SIRT1: variants seen among roughly 807,000 people sequenced by gnomAD.
The protein encoded by SIRT1 is sirtuin 1, also known as NAD-dependent protein deacetylase sirtuin-1.
In SIRT1, 24 loss-of-function variants were observed where a neutral mutation model predicts 67.9. The observed-to-expected ratio is 0.35, with a 90% CI of 0.26 to 0.50. SIRT1 has a LOEUF of 0.50. Ranked by LOEUF, SIRT1 falls within the 20% of genes least tolerant of loss-of-function variation. SIRT1 has a pLI of 0.98. For missense variants in SIRT1, 873 were observed against 937.2 expected, an observed-to-expected ratio of 0.93 and a Z score of 0.89; for synonymous variants, 378 against 350.7, an observed-to-expected ratio of 1.08 and a Z score of -0.87.
intron 6 of SIRT1, 109 bp from the exon 7 acceptor site, chr10:67,909,147 T>G (rs945682430): frequency 7.4e-5 from 54 of 731,090 alleles, no homozygotes; most frequent in African/African-American, 1.3e-4. Context: ...GTTTTGTTTT[T>G]TTTTTAATAA....
rs1279371482 is a variant in SIRT1 at position 67,916,427 on chromosome 10, G to A, written c.2078G>A (p.Ser693Asn). ...TTAGAAGAACCCATGGAGGATGAAA[G>A]TGAAATTGAAGAATTCTACAATGGC... ...PSLEEPMEDE[S>N]EIEEFYNGLE... The change falls in exon 9 of 9, where the codon AGT becomes AAT. Residue 693 changes from serine (S) to asparagine (N), a missense_variant. Physicochemically the swap from Ser to Asn is conservative, Grantham distance 46 (BLOSUM62 1). Transcript: ENST00000212015. 3 of 1,614,168 alleles carry A rather than the reference G, an allele frequency of 1.9e-6. No individual in the cohort carries two copies. The East Asian group carries it at 6.7e-5, about 36-fold the overall frequency.
At chr10:67,915,922 C>T (rs569106581) in intron 8 of SIRT1, among the ~76,000 whole-genome samples, 101 of 152,286 alleles carry the variant, frequency 6.6e-4, no homozygotes, top group African/African-American at 2.4e-3. Context: ...CACAGAGGTA[C>T]ACTTACAAAG....
intron 2 of SIRT1, among the ~76,000 whole-genome samples, chr10:67,888,057 T>G (rs1046742718): frequency 2.0e-5 from 3 of 152,382 alleles, no homozygotes; most frequent in South Asian, 2.1e-4. Flanking sequence ...GCAGGAATTT[T>G]TGACTGACTT....
chr10:67,904,550 T>C (rs1842792512), intron 4 of SIRT1, among the ~76,000 whole-genome samples: 1 of 152,100 alleles, frequency 6.6e-6, no homozygotes, highest in Admixed American at 6.5e-5. Context: ...CTCACATATG[T>C]AAAACGTACG....
At chr10:67,912,346 T>C (rs1045910183) in intron 7 of SIRT1, 128 bp from the exon 8 acceptor site, 2 of 745,254 alleles carry the variant, frequency 2.7e-6, no homozygotes, top group Non-Finnish European at 4.3e-6. Context: ...AAGTATTTAG[T>C]GCATGGGTCT....
intron 4 of SIRT1, among the ~76,000 whole-genome samples, chr10:67,894,373 G>C (rs1240164843): frequency 6.6e-6 from 1 of 152,016 alleles, no homozygotes; most frequent in Non-Finnish European, 1.5e-5. Context: ...AATAAATAAT[G>C]TAAAGTTATT....
chr10:67,891,674 C>A, intron 4 of SIRT1, 120 bp downstream of exon 4: 2 of 967,550 alleles, frequency 2.1e-6, no homozygotes, highest in Non-Finnish European at 3.1e-6. Context: ...GCTACTGTGG[C>A]GGAGTAAGAT....
At chr10:67,906,164 A>G in intron 4 of SIRT1, 1 of 1,361,924 alleles carries the variant, frequency 7.3e-7, no homozygotes, top group Non-Finnish European at 9.5e-7. Context: ...TTTTTAAAGA[A>G]GAAACAGCAT....
rs1243937141 is a variant in SIRT1 at position 67,916,445 on chromosome 10, A to G, written c.2096A>G (p.Tyr699Cys). The change falls in exon 9 of 9, where the codon TAC becomes TGC. Residue 699 changes from tyrosine to cysteine, a missense_variant. This residue lies in a region of SIRT1 where 295 missense variants were observed against 294.5 expected (regional missense o/e 1.00). Coordinates refer to ENST00000212015, the MANE Select transcript of SIRT1 (RefSeq NM_012238.5). The part of the protein sequence containing the change: ...MEDESEIEEF[Y>C]NGLEDEPDVP... ...GATGAAAGTGAAATTGAAGAATTCT[A>G]CAATGGCTTAGAAGATGAGCCTGAT... 5 of 1,614,208 alleles carry G rather than the reference A, an allele frequency of 3.1e-6. No individual in the cohort carries two copies. The highest frequency in any genetic ancestry group is 3.4e-6 in the Non-Finnish European group (4 of 1,180,026).
intron 2 of SIRT1, 100 bp from the exon 3 acceptor site, chr10:67,888,782 C>T: frequency 2.9e-6 from 4 of 1,373,392 alleles, no homozygotes; most frequent in South Asian, 3.1e-5. Context: ...TCTTACTTTG[C>T]AAAAAACCCT....
intron 5 of SIRT1, 130 bp downstream of exon 5, chr10:67,907,067 A>C: frequency 1.2e-6 from 1 of 822,928 alleles, no homozygotes; most frequent in Non-Finnish European, 1.7e-6. Flanking sequence ...TTTATCGATA[A>C]CCTCAGAAAA....
intron 4 of SIRT1, among the ~76,000 whole-genome samples, chr10:67,904,123 GTTTGTTT>G (rs1842784814): frequency 2.6e-5 from 3 of 115,432 alleles, no homozygotes; most frequent in African/African-American, 1.1e-4. Flanking sequence ...AGTTTTTTTT[GTTTGTTT>G]TTTTTTTTTT....
intron 1 of SIRT1, among the ~76,000 whole-genome samples, chr10:67,886,038 C>G (rs1043572725): frequency 4.6e-5 from 7 of 150,710 alleles, no homozygotes; most frequent in Non-Finnish European, 1.5e-5. Flanking sequence ...CTCCGCCTCC[C>G]GCGTTCAACC....
chr10:67,912,923 G>C lies in SIRT1; in HGVS notation c.1807G>C (p.Val603Leu), dbSNP rs750092788. Residue 603 changes from valine to leucine, a missense_variant, in exon 8 of 9, where the codon GTT (valine) becomes CTT (leucine). Val to Leu is a conservative substitution (Grantham distance 32). Around this residue, in one of 3 missense-constraint regions of SIRT1, gnomAD observed 295 missense variants for 294.5 expected, o/e 1.00. Coordinates refer to ENST00000212015, the MANE Select transcript of SIRT1 (RefSeq NM_012238.5). ...GATGGAAAATCCGGATTTGAAGAAT[G>C]TTGGTTCTAGTACTGGGGAGAAAAA... Reference protein sequence around the residue: ...EQMENPDLKNVGSSTGEKNER... With the variant: ...EQMENPDLKNLGSSTGEKNER... 5.0e-6 allele frequency: 8 copies of C among 1,614,026 alleles called. No homozygotes were observed. In the African/African-American group the frequency reaches 9.3e-5, roughly 19 times the overall value.
rs1181356484 is a variant in SIRT1 at position 67,918,039 on chromosome 10, A to G, written c.*1446A>G. On this transcript the variant is annotated 3_prime_UTR_variant, in exon 9 of 9. Coordinates refer to ENST00000212015, the MANE Select transcript of SIRT1 (RefSeq NM_012238.5). ...AGCTAGGACCATTACTGCCAGAGAA[A>G]AAAATCGTATTGAATGGCCATTTCC... 2 of 152,668 alleles carry G rather than the reference A, an allele frequency of 1.3e-5. No homozygotes were observed. The highest frequency in any genetic ancestry group is 2.4e-5 in the African/African-American group (1 of 41,468). The allele number at this position is 152,668 out of a possible 1,614,324, so 9.5% of individuals were successfully genotyped here. A position where few individuals can be genotyped will look rare whatever the true frequency, so the allele number is the denominator to read the frequency against.
At chr10:67,888,756 C>A in intron 2 of SIRT1, 126 bp from the exon 3 acceptor site, 1 of 997,590 alleles carries the variant, frequency 1.0e-6, no homozygotes, top group Non-Finnish European at 1.5e-6. Flanking sequence ...GAATGAAATA[C>A]CATTAAATTG....
At chr10:67,909,117 T>G in intron 6 of SIRT1, 139 bp from the exon 7 acceptor site, 2 of 587,628 alleles carry the variant, frequency 3.4e-6, no homozygotes, top group Middle Eastern at 3.0e-4. Flanking sequence ...TGACAGTTGC[T>G]GTTTATCCAT....
chr10:67,891,717 G>A (rs909404925), intron 4 of SIRT1, among the ~76,000 whole-genome samples, 163 bp downstream of exon 4: 1 of 152,194 alleles, frequency 6.6e-6, no homozygotes, highest in African/African-American at 2.4e-5. Flanking sequence ...TTTATTCCTA[G>A]AGGAGGACTA....
Position 67,912,855 on chromosome 10 carries a change from A to G in SIRT1, c.1739A>G (p.Gln580Arg), listed in dbSNP as rs1589084920. The G allele has an allele frequency of 6.2e-7, 1 of 1,614,150 alleles. No homozygotes were observed. Among genetic ancestry groups the G allele is most frequent in the Non-Finnish European group, 8.5e-7 (1 of 1,180,020 alleles). Residue 580 changes from glutamine to arginine, a missense_variant, in exon 8 of 9, where the codon CAG becomes CGG. By Grantham distance (43) the Gln-to-Arg change is conservative. Transcript: ENST00000212015. ...ESKGCMEEKPQEVQTSRNVES... is the reference protein window; with the variant it reads ...ESKGCMEEKPREVQTSRNVES... ...AAAGGTTGTATGGAAGAAAAACCAC[A>G]GGAAGTACAAACTTCTAGGAATGTT...
Sources: allele counts gnomAD v4.1 joint callset (sites outside exome capture counted in the v4.1 genomes callset), GRCh38; gene constraint gnomAD v4.1.1; regional missense constraint gnomAD v4.1.1; transcripts MANE v1.5; gene names NCBI Gene and HGNC (gene_info 2026-07-23, HGNC 2026-07-21).